Variants in MDGA1 observed in about 807,000 individuals in gnomAD.
MDGA1 encodes the protein MAM domain-containing glycosylphosphatidylinositol anchor protein 1.
Under a neutral mutation model 101.5 loss-of-function variants are expected in MDGA1, and 54 were observed. The ratio of observed to expected loss-of-function variants is 0.53; its 90% CI spans 0.43 to 0.67. MDGA1 has a LOEUF of 0.67. Among genes scored for constraint, MDGA1 ranks in the 30% least tolerant of loss-of-function variants. The probability of loss-of-function intolerance (pLI) is 0.00; values close to 1 mark genes in which losing one functional copy is unlikely to be tolerated. For synonymous variants in MDGA1, 533 were observed against 558.3 expected, an observed-to-expected ratio of 0.95 and a Z score of 0.64; for missense variants, 1,083 against 1,323.8, an observed-to-expected ratio of 0.82 and a Z score of 2.82.
At chr6:37,664,397 G>T in intron 1 of MDGA1, 1 of 320,140 alleles carries the variant, frequency 3.1e-6, no homozygotes, top group Non-Finnish European at 5.9e-6. Flanking sequence ...CAGACTGGTC[G>T]TCACTCAGTT....
At chr6:37,647,085 G>C (rs574364508) in intron 10 of MDGA1, 88 bp downstream of exon 10, 3 of 1,278,212 alleles carry the variant, frequency 2.3e-6, no homozygotes, top group South Asian at 1.3e-5. Flanking sequence ...CCCCATCTCC[G>C]ACCCTTCCTC....
intron 1 of MDGA1, among the ~76,000 whole-genome samples, chr6:37,689,573 T>A (rs1006418416): frequency 6.6e-6 from 1 of 152,210 alleles, no homozygotes; most frequent in African/African-American, 2.4e-5. Context: ...AGCCACGGCT[T>A]AGAAAGCAGA....
chr6:37,650,018 CTG>C, intron 8 of MDGA1, 89 bp downstream of exon 8: 1 of 1,517,986 alleles, frequency 6.6e-7, no homozygotes. Context: ...TTTGGTTGGA[CTG>C]GGGTGGGTGA....
chr6:37,682,208 G>T (rs1225212877), intron 1 of MDGA1, among the ~76,000 whole-genome samples: 2 of 152,212 alleles, frequency 1.3e-5, no homozygotes, highest in Non-Finnish European at 2.9e-5. Context: ...AGGTAGGCTG[G>T]GCGCAGTGGC....
Position 37,697,788 on chromosome 6 carries a change from G to C in MDGA1, c.-977C>G, listed in dbSNP as rs917822819. 6.7e-6 allele frequency: 1 copy of C among 149,158 alleles called. No homozygotes were observed. The highest frequency in any genetic ancestry group is 2.4e-5 in the African/African-American group (1 of 41,044). The allele number at this position is 149,158 out of a possible 1,614,324, so 9.2% of individuals were successfully genotyped here. A position where few individuals can be genotyped will look rare whatever the true frequency, so the allele number is the denominator to read the frequency against. On this transcript the variant is annotated 5_prime_UTR_variant, in exon 1 of 17. Transcript: ENST00000434837. ...GGCGGCCTTGGCCTGCGGGGGCCCA[G>C]AGCGGGCGGGGCCGGGCCGGGCTCC...
intron 13 of MDGA1, 140 bp downstream of exon 13, chr6:37,644,357 T>TCAGAC (rs1205036934): frequency 2.0e-6 from 2 of 981,690 alleles, no homozygotes; most frequent in Non-Finnish European, 2.8e-6. Context: ...GTGTCTCCCC[T>TCAGAC]CAGACCAGAG....
chr6:37,671,040 G>T (rs2114068577), intron 1 of MDGA1, among the ~76,000 whole-genome samples: 1 of 152,274 alleles, frequency 6.6e-6, no homozygotes, highest in African/African-American at 2.4e-5. Context: ...AACCAAGTGT[G>T]CTTCCTTGCC....
intron 9 of MDGA1, 73 bp downstream of exon 9, chr6:37,648,909 C>A: frequency 6.7e-7 from 1 of 1,490,336 alleles, no homozygotes; most frequent in South Asian, 1.3e-5. Flanking sequence ...AAAGAATCAC[C>A]CGGGCTGGGA....
At chr6:37,691,081 C>T (rs1449739870) in intron 1 of MDGA1, among the ~76,000 whole-genome samples, 2 of 152,182 alleles carry the variant, frequency 1.3e-5, no homozygotes, top group African/African-American at 4.8e-5. Flanking sequence ...CCCTACCTTA[C>T]ATGTGATTCC....
At chr6:37,667,248 C>T (rs904440323) in intron 1 of MDGA1, among the ~76,000 whole-genome samples, 5 of 152,178 alleles carry the variant, frequency 3.3e-5, no homozygotes, top group Non-Finnish European at 7.3e-5. Context: ...TAGCTGCTAC[C>T]AACCCAGAGT....
intron 1 of MDGA1, among the ~76,000 whole-genome samples, chr6:37,680,833 G>A (rs1054877386): frequency 1.3e-5 from 2 of 152,244 alleles, no homozygotes; most frequent in Non-Finnish European, 2.9e-5. Flanking sequence ...GTGAGCGCAC[G>A]CCTGGCGCAG....
chr6:37,664,842 G>GACAGACACACACACACAC (rs1215330966), intron 1 of MDGA1, among the ~76,000 whole-genome samples: 1 of 55,258 alleles, frequency 1.8e-5, no homozygotes. Flanking sequence ...CCTAACCTAA[G>GACAGACACACACACACAC]ACACACACAC....
chr6:37,648,868 G>A, intron 9 of MDGA1, 114 bp downstream of exon 9: 1 of 1,429,004 alleles, frequency 7.0e-7, no homozygotes, highest in Non-Finnish European at 9.1e-7. Flanking sequence ...GAGTAGGTGG[G>A]CTTCAAGGGG....
At chr6:37,643,976 C>G (rs1764157721) in intron 13 of MDGA1, 33 bp from the exon 14 acceptor site, 1 of 1,610,420 alleles carries the variant, frequency 6.2e-7, no homozygotes, top group African/African-American at 1.3e-5. Context: ...CCAACAGCCC[C>G]CAAGACAGCC....
rs56379587 is a variant in MDGA1, at chr6:37,636,181, C to T, written c.*1187G>A. The T allele has an allele frequency of 9.7e-3, 1,495 of 154,356 alleles. 17 individuals carry two copies. The highest frequency in any genetic ancestry group is 0.016 in the Non-Finnish European group (1,102 of 69,536). 9.6% of individuals were successfully genotyped at this position (154,356 alleles called of 1,614,324 possible). Reference sequence around the variant, plus strand: ...GATCCCATCATGTCAATCTCAGGTGCCTAACCCAGGACCCAAGGACAGGGA... The same window carrying T: ...GATCCCATCATGTCAATCTCAGGTGTCTAACCCAGGACCCAAGGACAGGGA... On this transcript the variant is annotated 3_prime_UTR_variant, in exon 17 of 17. Transcript: ENST00000434837.
chr6:37,644,299 G>A (rs1764171267), intron 13 of MDGA1, among the ~76,000 whole-genome samples, 198 bp downstream of exon 13: 2 of 152,030 alleles, frequency 1.3e-5, no homozygotes, highest in African/African-American at 4.8e-5. Context: ...GCTCCCTGAG[G>A]ATGGGGCTGT....
chr6:37,675,459 G>A (rs1761959264), intron 1 of MDGA1, among the ~76,000 whole-genome samples: 1 of 152,178 alleles, frequency 6.6e-6, no homozygotes, highest in South Asian at 2.1e-4. Context: ...TATAGCCCAG[G>A]ATGCTTTGGG....
intron 1 of MDGA1, among the ~76,000 whole-genome samples, chr6:37,694,872 G>C (rs1162119750): frequency 6.6e-6 from 1 of 152,128 alleles, no homozygotes; most frequent in Non-Finnish European, 1.5e-5. Flanking sequence ...CTAGGCACAG[G>C]CGGGAGGGGA....
chr6:37,637,598 C>T, intron 16 of MDGA1, 139 bp from the exon 17 acceptor site: 1 of 663,436 alleles, frequency 1.5e-6, no homozygotes, highest in Non-Finnish European at 2.6e-6. Flanking sequence ...TCAGTGCACA[C>T]AGACAAACTC....
Sources: gnomAD v4.1 joint callset for allele counts (sites outside exome capture counted in the v4.1 genomes callset) on GRCh38, gnomAD v4.1.1 for gene constraint, MANE v1.5 for transcripts, NCBI Gene and HGNC (gene_info 2026-07-23, HGNC 2026-07-21) for gene names.